MS4A4E: variants seen among roughly 807,000 people sequenced by gnomAD.
MS4A4E encodes membrane spanning 4-domains A4E.
In MS4A4E, 23 loss-of-function variants were observed where a neutral mutation model predicts 13.3. The observed-to-expected ratio is 1.73, with a 90% CI of 1.25 to 2.45. The LOEUF is 2.45. MS4A4E is among the 30% of genes most tolerant of loss of function. The pLI is 0.00. For synonymous variants in MS4A4E, 36 were observed against 45.6 expected (o/e 0.79, Z 0.85); for missense variants, 144 against 131.2 (o/e 1.10, Z -0.48).
At position 60,201,522 on chromosome 11, in the gene MS4A4E, G is replaced by A; in HGVS notation, c.*21C>T. 1 of 287,934 alleles carries A rather than the reference G, an allele frequency of 3.5e-6. No homozygotes were observed. Among genetic ancestry groups the A allele is most frequent in the South Asian group, 2.7e-5 (1 of 37,558 alleles). 17.8% of individuals were successfully genotyped at this position (287,934 alleles called of 1,614,324 possible). Reference sequence around the variant, plus strand: ...CCTCACATCCCAGACAGGGCGGTGGGGCAAAGGCGCTCCCCACATCTCAGA... The same window carrying A: ...CCTCACATCCCAGACAGGGCGGTGGAGCAAAGGCGCTCCCCACATCTCAGA... On this transcript the variant is annotated 3_prime_UTR_variant, in exon 9 of 9. Transcript: ENST00000651255.
chr11:60,215,831 A>T (rs561294383), intron 3 of MS4A4E, among the ~76,000 whole-genome samples: 2 of 152,234 alleles, frequency 1.3e-5, no homozygotes, highest in South Asian at 4.1e-4. Context: ...TCTTTAAAAA[A>T]TTCAGTAAAG....
chr11:60,224,987 T>C (rs1306923686), intron 3 of MS4A4E: 5 of 1,532,848 alleles, frequency 3.3e-6, no homozygotes. Context: ...CCAAATTGTG[T>C]ACGCAACATA....
chr11:60,208,418 T>C (rs959709347), intron 6 of MS4A4E, among the ~76,000 whole-genome samples, 175 bp downstream of exon 6: 1 of 152,184 alleles, frequency 6.6e-6, no homozygotes, highest in African/African-American at 2.4e-5. Flanking sequence ...AACTCCCTGA[T>C]GACAGAGTCA....
In MS4A4E at chr11:60,221,608, T is replaced by G. The variant is rs75699814; in HGVS notation, c.178+6986A>C. Among the ~76,000 whole-genome samples, 652 of 152,308 alleles carry G rather than the reference T, an allele frequency of 4.3e-3. 9 individuals are homozygous for G. Among genetic ancestry groups the G allele is most frequent in the Middle Eastern group, 0.02 (6 of 294 alleles). On this transcript the variant is annotated intron_variant, in intron 3 of 8. Transcript: ENST00000651255. ...GAAAATCGTCCCAGTGGGCAGAATG[T>G]TGAGCACTGCACCTCATTGTGCACT...
At chr11:60,231,227 A>G (rs1334874212) in intron 1 of MS4A4E, among the ~76,000 whole-genome samples, 1 of 152,080 alleles carries the variant, frequency 6.6e-6, no homozygotes, top group African/African-American at 2.4e-5. Flanking sequence ...TAATGTATAC[A>G]TTCAAAATTA....
rs2134904862 is a variant in MS4A4E, at chr11:60,201,303, T to A, written c.*240A>T. ...GGCCTGGCGGGGGCTGACCCCCACC[T>A]CCCTCCCGGACGGGGTGGCTGCCTG... On this transcript the variant is annotated 3_prime_UTR_variant, in exon 9 of 9. Coordinates refer to ENST00000651255, the MANE Select transcript of MS4A4E (RefSeq NM_001393391.1). 1 of 156,606 alleles carries A rather than the reference T, an allele frequency of 6.4e-6. No homozygotes were observed. Among genetic ancestry groups the A allele is most frequent in the Non-Finnish European group, 1.4e-5 (1 of 73,632 alleles). 9.7% of individuals were successfully genotyped at this position (156,606 alleles called of 1,614,324 possible). A position where few individuals can be genotyped will look rare whatever the true frequency, so the allele number is the denominator to read the frequency against.
At chr11:60,233,471 T>C (rs2084439018) in intron 1 of MS4A4E, among the ~76,000 whole-genome samples, 1 of 152,230 alleles carries the variant, frequency 6.6e-6, no homozygotes, top group South Asian at 2.1e-4. Flanking sequence ...GCCTTAGCTT[T>C]GTGGGTAACC....
At chr11:60,238,716 CT>C (rs1174666103) in intron 1 of MS4A4E, among the ~76,000 whole-genome samples, 3 of 152,096 alleles carry the variant, frequency 2.0e-5, no homozygotes, top group East Asian at 1.9e-4. Flanking sequence ...TTAGTTTGTT[CT>C]TCTTTTTCCA....
chr11:60,229,971 A>C lies in MS4A4E; in HGVS notation c.85T>G (p.Ser29Ala), dbSNP rs1002851868. 3 of 1,613,782 alleles carry C rather than the reference A, an allele frequency of 1.9e-6. No homozygotes were observed. The highest frequency in any genetic ancestry group is 2.5e-6 in the Non-Finnish European group (3 of 1,179,844). Residue 29 changes from serine to alanine, a missense_variant, in exon 2 of 9, where the codon TCA becomes GCA. Around this residue, in one of 3 missense-constraint regions of MS4A4E, gnomAD observed 119 missense variants for 88.7 expected, o/e 1.34. Transcript: ENST00000651255. ...TCTTGCAATCCTTTACACAGATATG[A>C]ATGTATGACATCTATGTTTCCCAGC... ...PQLGNIDVIH[S>A]YLCKGLQEKF...
chr11:60,219,123 C>A (rs1590714789), intron 3 of MS4A4E, among the ~76,000 whole-genome samples: 2 of 152,188 alleles, frequency 1.3e-5, no homozygotes. Flanking sequence ...TAAGCCTATT[C>A]ATCCCAGCTG....
chr11:60,219,230 C>T (rs1047251784), intron 3 of MS4A4E, among the ~76,000 whole-genome samples: 2 of 152,160 alleles, frequency 1.3e-5, no homozygotes, highest in African/African-American at 4.8e-5. Context: ...TTGCCTTTCT[C>T]TGTATGCCAG....
chr11:60,211,442 C>T (rs1420291169), intron 5 of MS4A4E, among the ~76,000 whole-genome samples: 1 of 152,166 alleles, frequency 6.6e-6, no homozygotes, highest in Admixed American at 6.5e-5. Flanking sequence ...ATGAAGTAAA[C>T]AGAATGCAGT....
chr11:60,231,337 A>G (rs1009292164), intron 1 of MS4A4E, among the ~76,000 whole-genome samples: 6 of 151,896 alleles, frequency 4.0e-5, no homozygotes, highest in Non-Finnish European at 8.8e-5. Context: ...TAAGAAATAA[A>G]TAATGTAAAT....
At chr11:60,234,379 C>A (rs957277617) in intron 1 of MS4A4E, among the ~76,000 whole-genome samples, 2 of 152,044 alleles carry the variant, frequency 1.3e-5, no homozygotes, top group Non-Finnish European at 2.9e-5. Flanking sequence ...CTCTAAAACT[C>A]ATGTGAAAAC....
At position 60,200,808 on chromosome 11, in the gene MS4A4E, C is replaced by A. The variant is rs1022494251; in HGVS notation, c.*735G>T. The stretch of plus-strand genomic sequence containing the variant: ...CCCGTTCTCAATGAGCTATTGGGTA[C>A]ACTTCCCAGATGGGGTGGTGGCCGG... On this transcript the variant is annotated 3_prime_UTR_variant, in exon 9 of 9. Transcript: ENST00000651255. Among the ~76,000 whole-genome samples the A allele has an allele frequency of 1.4e-4, 22 of 152,380 alleles. No homozygotes were observed. The highest frequency in any genetic ancestry group is 3.2e-4 in the Non-Finnish European group (22 of 68,042).
At chr11:60,242,201 G>T (rs12799005) in intron 1 of MS4A4E, among the ~76,000 whole-genome samples, 242 of 151,516 alleles carry the variant, frequency 1.6e-3, no homozygotes, top group Non-Finnish European at 3.0e-3. Flanking sequence ...AGAATTCTGG[G>T]TTTTTTGCTC....
intron 5 of MS4A4E, among the ~76,000 whole-genome samples, chr11:60,212,653 T>C (rs555707630): frequency 6.6e-6 from 1 of 152,252 alleles, no homozygotes; most frequent in Non-Finnish European, 1.5e-5. Context: ...CTGGAGGAGA[T>C]AACAGTAGAC....
intron 3 of MS4A4E, among the ~76,000 whole-genome samples, chr11:60,223,291 T>C (rs933603986): frequency 2.0e-5 from 3 of 152,228 alleles, no homozygotes; most frequent in Admixed American, 1.3e-4. Flanking sequence ...CCATGTGACA[T>C]AAGACCTATT....
chr11:60,213,194 T>C, intron 4 of MS4A4E, 62 bp from the exon 5 acceptor site: 3 of 1,151,628 alleles, frequency 2.6e-6, no homozygotes, highest in Non-Finnish European at 3.7e-6. Context: ...TCTCTGTTAA[T>C]TACTTTACAC....
Sources: gnomAD v4.1 joint callset for allele counts (sites outside exome capture counted in the v4.1 genomes callset) on GRCh38, gnomAD v4.1.1 for gene constraint, gnomAD v4.1.1 regional missense constraint, MANE v1.5 for transcripts, NCBI Gene and HGNC (gene_info 2026-07-23, HGNC 2026-07-21) for gene names.